PRDM16: variants seen among roughly 807,000 people sequenced by gnomAD.
PRDM16 encodes histone-lysine N-methyltransferase PRDM16.
A neutral mutation model predicts 110.6 loss-of-function variants in PRDM16; 23 were observed. The ratio of observed to expected loss-of-function variants is 0.21; its 90% confidence interval spans 0.15 to 0.29. PRDM16 has a LOEUF of 0.29. Ranked by LOEUF, PRDM16 falls within the 10% of genes least tolerant of loss-of-function variation. The pLI is 1.00. For missense variants in PRDM16, 1,615 were observed against 1,794.3 expected, an observed-to-expected ratio of 0.90 and a Z score of 1.81; for synonymous variants, 799 against 781.8, an observed-to-expected ratio of 1.02 and a Z score of -0.37.
At chr1:3,177,827 C>G (rs1002096641) in intron 1 of PRDM16, among the ~76,000 whole-genome samples, 3 of 146,586 alleles carry the variant, frequency 2.0e-5, no homozygotes, top group Non-Finnish European at 4.6e-5. Flanking sequence ...CTGAACTGAT[C>G]AGTAAGTTTA....
chr1:3,203,160 T>C (rs1448643712), intron 2 of PRDM16, among the ~76,000 whole-genome samples: 1 of 152,172 alleles, frequency 6.6e-6, no homozygotes, highest in Non-Finnish European at 1.5e-5. Flanking sequence ...TCTGAGAACC[T>C]CGTCGTCTGT....
chr1:3,181,452 T>C lies in PRDM16; in HGVS notation c.38-4673T>C, dbSNP rs1392675135. Among the ~76,000 whole-genome samples, 206 of 35,422 alleles carry C rather than the reference T, an allele frequency of 5.8e-3. 95 individuals carry two copies. The highest frequency in any genetic ancestry group is 0.014 in the Non-Finnish European group (157 of 11,362). The allele number at this position is 35,422 out of a possible 152,430, so 23.2% of individuals were successfully genotyped here. On this transcript the variant is annotated intron_variant, in intron 1 of 16. Coordinates refer to ENST00000270722, the MANE Select transcript of PRDM16 (RefSeq NM_022114.4). ...GTCTTACACAAGCAGTCTTACACGG[T>C]CTTACACACGGTCTTACACACGCAG...
intron 1 of PRDM16, among the ~76,000 whole-genome samples, chr1:3,166,758 C>T (rs1471888992): frequency 6.6e-6 from 1 of 152,196 alleles, no homozygotes; most frequent in Non-Finnish European, 1.5e-5. Flanking sequence ...AGCCAGAGGA[C>T]TCACTCGGGT....
chr1:3,412,911 G>A lies in PRDM16; in HGVS notation c.2603+111G>A, dbSNP rs144590726. On this transcript the variant is annotated intron_variant, in intron 9 of 16. Transcript: ENST00000270722. ...TCAAGCTCCTCCAAGGTCGTCCCCCGGCCTTTGCTGACTTCAGGAAGATGC... is the reference window on the plus strand; with the variant it reads ...TCAAGCTCCTCCAAGGTCGTCCCCCAGCCTTTGCTGACTTCAGGAAGATGC... 5.6e-3 allele frequency: 5,136 copies of A among 910,248 alleles called. 25 individuals are homozygous for A. Among genetic ancestry groups the A allele is most frequent in the Non-Finnish European group, 7.1e-3 (4,642 of 653,180 alleles). The allele number at this position is 910,248 out of a possible 1,614,324, so 56.4% of individuals were successfully genotyped here.
chr1:3,414,469 T>C, intron 9 of PRDM16, 91 bp from the exon 10 acceptor site: 1 of 914,126 alleles, frequency 1.1e-6, no homozygotes, highest in African/African-American at 1.6e-5. Flanking sequence ...GCCAGGTATA[T>C]GGTCAGGCGG....
intron 1 of PRDM16, among the ~76,000 whole-genome samples, chr1:3,102,220 C>T (rs939919924): frequency 2.0e-5 from 3 of 152,174 alleles, no homozygotes; most frequent in African/African-American, 7.2e-5. Flanking sequence ...AGAGGTGGCG[C>T]CACCACCCAG....
At chr1:3,160,024 T>G (rs1643885881) in intron 1 of PRDM16, among the ~76,000 whole-genome samples, 1 of 152,212 alleles carries the variant, frequency 6.6e-6, no homozygotes, top group South Asian at 2.1e-4. Flanking sequence ...GTTCTGTATT[T>G]TTATTTCCTA....
At chr1:3,394,536 G>T in intron 4 of PRDM16, 1 of 421,160 alleles carries the variant, frequency 2.4e-6, no homozygotes, top group Non-Finnish European at 4.8e-6. Flanking sequence ...GAGCCAAGGG[G>T]CGGGCGGCCA....
At position 3,244,336 on chromosome 1, in the gene PRDM16, G is replaced by A. The variant is rs1639740359; in HGVS notation, c.438+199G>A. 6.6e-6 allele frequency among the ~76,000 whole-genome samples: 1 copy of A among 152,118 alleles called. No individual in the cohort carries two copies. On this transcript the variant is annotated intron_variant, in intron 3 of 16. Transcript: ENST00000270722. The surrounding 1 kb of genome is among the most constrained non-coding windows in gnomAD (Gnocchi z 4.1). ...CTGTCATTAGGAGGGATGGGGAGGT[G>A]GGGGTCATGTCGCCGTAGGGTCACA...
Position 3,181,102 on chromosome 1 carries a change from TCTTACACGC to T in PRDM16, c.38-5022_38-5014del, listed in dbSNP as rs1644157538. Among the ~76,000 whole-genome samples, 22 of 22,686 alleles carry T rather than the reference TCTTACACGC, an allele frequency of 9.7e-4. No individual in the cohort carries two copies. The East Asian group carries it at 0.019, about 20-fold the overall frequency. The allele number at this position is 22,686 out of a possible 152,430, so 14.9% of individuals were successfully genotyped here. ...CTTACACACGGCCTTACACACGCAGTCTTACACGCGGCCTTACACACGCAGTCTTACACG... is the reference window on the plus strand; with the variant it reads ...CTTACACACGGCCTTACACACGCAGTGGCCTTACACACGCAGTCTTACACG... On this transcript the variant is annotated intron_variant, in intron 1 of 16. Coordinates refer to ENST00000270722, the MANE Select transcript of PRDM16 (RefSeq NM_022114.4).
At chr1:3,281,030 G>T (rs1640701731) in intron 3 of PRDM16, among the ~76,000 whole-genome samples, 1 of 152,232 alleles carries the variant, frequency 6.6e-6, no homozygotes. Context: ...CTCCTTCCCT[G>T]GGTGGTTGTT....
chr1:3,073,900 C>CCGA (rs939997399), intron 1 of PRDM16, among the ~76,000 whole-genome samples: 50 of 152,298 alleles, frequency 3.3e-4, no homozygotes, highest in African/African-American at 1.2e-3. Context: ...TCCCCAACCG[C>CCGA]CGACCCTCGA....
At chr1:3,093,134 G>C (rs986418323) in intron 1 of PRDM16, among the ~76,000 whole-genome samples, 2 of 152,160 alleles carry the variant, frequency 1.3e-5, no homozygotes, top group Admixed American at 1.3e-4. Flanking sequence ...GGTGAGAAGA[G>C]GAATTCTCAC....
intron 3 of PRDM16, among the ~76,000 whole-genome samples, chr1:3,274,677 G>T (rs1472236645): frequency 6.6e-6 from 1 of 152,252 alleles, no homozygotes; most frequent in Non-Finnish European, 1.5e-5. Context: ...TTGTCTGCGA[G>T]CTGCGTGATT....
rs1339816916 is a variant in PRDM16 at position 3,246,414 on chromosome 1, C to G, written c.438+2277C>G. On this transcript the variant is annotated intron_variant, in intron 3 of 16. Coordinates refer to ENST00000270722, the MANE Select transcript of PRDM16 (RefSeq NM_022114.4). The surrounding 1 kb of genome is among the most constrained non-coding windows in gnomAD (Gnocchi z 5.2). ...ACGGAATCAGAGCAGACCCGATGCA[C>G]GAGACCCCCCACGGCACCGCCGCGA... Among the ~76,000 whole-genome samples the G allele has an allele frequency of 6.6e-6, 1 of 152,174 alleles. No individual in the cohort carries two copies. The highest frequency in any genetic ancestry group is 1.5e-5 in the Non-Finnish European group (1 of 68,020).
At position 3,131,745 on chromosome 1, in the gene PRDM16, G is replaced by A. The variant is rs373670414; in HGVS notation, c.38-54380G>A. 7.9e-5 allele frequency among the ~76,000 whole-genome samples: 12 copies of A among 152,294 alleles called. No individual in the cohort carries two copies. In the East Asian group the frequency reaches 9.7e-4, roughly 12 times the overall value. On this transcript the variant is annotated intron_variant, in intron 1 of 16. Transcript: ENST00000270722. ...CTGAGGTGATGGTGTGGTGCAGGCC[G>A]CAGCTCCAGGCCCCGCAAACCTCAC...
chr1:3,334,095 G>C (rs952858237), intron 3 of PRDM16, among the ~76,000 whole-genome samples: 2 of 152,230 alleles, frequency 1.3e-5, no homozygotes, highest in African/African-American at 4.8e-5. Flanking sequence ...CCAGCAGCGT[G>C]AGCCAGGGCA....
At chr1:3,415,603 T>TGCG (rs1415803754) in intron 10 of PRDM16, among the ~76,000 whole-genome samples, 1 of 152,250 alleles carries the variant, frequency 6.6e-6, no homozygotes, top group African/African-American at 2.4e-5. Flanking sequence ...AGGCGCATCC[T>TGCG]GCGTTTGTTT....
rs763095494 is a variant in PRDM16, at chr1:3,095,607, C to T, written c.37+26311C>T. On this transcript the variant is annotated intron_variant, in intron 1 of 16. Transcript: ENST00000270722. The stretch of plus-strand genomic sequence containing the variant: ...TTCCACATCCACAGGATTGACAGGA[C>T]GGTCTCCTCCTTCAGATGCCCTAGG... 8.5e-5 allele frequency among the ~76,000 whole-genome samples: 13 copies of T among 152,110 alleles called. No homozygotes were observed. The South Asian group carries it at 1.4e-3, about 17-fold the overall frequency.
Sources: gnomAD v4.1 joint callset for allele counts (sites outside exome capture counted in the v4.1 genomes callset) on GRCh38, gnomAD v4.1.1 for gene constraint, Gnocchi (gnomAD v3.1) non-coding constraint, MANE v1.5 for transcripts, NCBI Gene and HGNC (gene_info 2026-07-23, HGNC 2026-07-21) for gene names.